The following DHRS4L2 variants were observed in gnomAD, a reference collection of about 807,000 sequenced individuals.
DHRS4L2 encodes the protein dehydrogenase/reductase SDR family member 4-like 2.
DHRS4L2 carries 22 observed loss-of-function variants against 23.9 expected under a neutral mutation model. The ratio of observed to expected loss-of-function variants is 0.92; its 90% CI spans 0.66 to 1.31. DHRS4L2 has a LOEUF of 1.31. Among genes scored for constraint, DHRS4L2 ranks in the 40% most tolerant of loss-of-function variants. The pLI, the probability that DHRS4L2 is intolerant of heterozygous loss-of-function variation, is 0.00. For synonymous variants in DHRS4L2, 141 were observed against 123.7 expected (o/e 1.14, Z -0.93); for missense variants, 385 against 303.3 (o/e 1.27, Z -2.00).
upstream of DHRS4L2, among the ~76,000 whole-genome samples, chr14:23,984,141 G>C (rs2034100210): frequency 6.6e-6 from 1 of 151,614 alleles, no homozygotes; most frequent in Admixed American, 6.6e-5. Flanking sequence ...AATCTCATTT[G>C]TGGAAACAAT....
chr14:23,989,000 G>T lies in DHRS4L2; in HGVS notation c.53G>T (p.Arg18Leu), dbSNP rs371104581. 29 of 1,610,666 alleles carry T rather than the reference G, an allele frequency of 1.8e-5. 1 individual carries two copies. The highest frequency in any genetic ancestry group is 2.1e-5 in the Non-Finnish European group (25 of 1,178,404). The change falls in exon 1 of 8, where the codon CGG becomes CTG. Residue 18 changes from arginine (R) to leucine (L), a missense_variant. Transcript: ENST00000335125. ...TGTGCCTGGGCACGGAAGTCGGTGC[G>T]GATGGCCAGCTCCAGGATGACCCGC... ...GLCAWARKSV[R>L]MASSRMTRRD...
intron 3 of DHRS4L2, among the ~76,000 whole-genome samples, chr14:23,998,867 C>T (rs1266759249): frequency 1.8e-4 from 26 of 147,004 alleles, no homozygotes; most frequent in Non-Finnish European, 3.1e-4. Context: ...ATTTGGCTAA[C>T]TGGTGCACAT....
At chr14:24,005,852 T>A in intron 7 of DHRS4L2, 34 bp from the exon 8 acceptor site, 1 of 1,609,648 alleles carries the variant, frequency 6.2e-7, no homozygotes, top group Non-Finnish European at 8.5e-7. Context: ...CCCGTTTGAT[T>A]TTTACCTCCT....
chr14:23,973,191 A>T (rs2033898220), intron 1 of DHRS4L2, among the ~76,000 whole-genome samples: 2 of 151,898 alleles, frequency 1.3e-5, no homozygotes, highest in Non-Finnish European at 2.9e-5. Flanking sequence ...TTCTCATCCC[A>T]TGAGGCCATA....
At chr14:23,999,367 A>AAAAAAAAAAAAAAACAAAAC (rs1555330042) in intron 3 of DHRS4L2, among the ~76,000 whole-genome samples, 12 of 116,788 alleles carry the variant, frequency 1.0e-4, no homozygotes, top group East Asian at 2.9e-4. Context: ...AAAAAAAAAA[A>AAAAAAAAAAAAAAACAAAAC]AAAAAAACAA....
intron 2 of DHRS4L2, chr14:23,990,893 T>C (rs1311497510): frequency 2.6e-6 from 2 of 760,236 alleles, no homozygotes; most frequent in Non-Finnish European, 3.2e-6. Flanking sequence ...CCACAGCCAG[T>C]AAGGAAAGAC....
At chr14:23,986,360 G>A (rs118079848), upstream of DHRS4L2, among the ~76,000 whole-genome samples, 165 of 151,440 alleles carry the variant, frequency 1.1e-3, 2 homozygotes, top group Non-Finnish European at 2.0e-3. Flanking sequence ...GCCTGTCGTG[G>A]GGTGCAGGCA....
At chr14:23,994,429 T>C (rs1014167601) in intron 2 of DHRS4L2, among the ~76,000 whole-genome samples, 5 of 151,712 alleles carry the variant, frequency 3.3e-5, no homozygotes, top group Admixed American at 1.3e-4. Flanking sequence ...CCTGGTGGCT[T>C]GTGCCTATAA....
rs148676391 is a variant in DHRS4L2, at chr14:23,989,483, A to AC, written c.128+412dup. On this transcript the variant is annotated intron_variant, in intron 1 of 7. Transcript: ENST00000335125. ...TTTGGGCTCCAGAAAGTGTCCCGGA[A>AC]CCCCTCCCCCTTACCTAGATGGGAC... is the stretch of plus-strand genomic sequence containing the variant. Among the ~76,000 whole-genome samples the AC allele has an allele frequency of 7.0e-3, 1,054 of 151,014 alleles. 36 individuals carry two copies. Among genetic ancestry groups the AC allele is most frequent in the African/African-American group, 0.024 (1,003 of 41,182 alleles).
chr14:23,970,927 A>G (rs56079821), intron 1 of DHRS4L2, among the ~76,000 whole-genome samples: 3,397 of 152,228 alleles, frequency 0.022, 70 homozygotes, highest in Middle Eastern at 0.054. Flanking sequence ...AATAGCATCA[A>G]CATCAGCAAA....
chr14:24,006,151 G>A lies in DHRS4L2; in HGVS notation c.*288G>A, dbSNP rs1190735933. ...GTGAAAAGATCCAGCCTTCCCTGCC[G>A]TCAAGGTGGCGTCTTACTCGGGATT... On this transcript the variant is annotated 3_prime_UTR_variant, in exon 8 of 8. Transcript: ENST00000335125. The A allele has an allele frequency of 1.7e-5, 23 of 1,333,158 alleles. No individual in the cohort carries two copies. Among genetic ancestry groups the A allele is most frequent in the Admixed American group, 6.0e-5 (2 of 33,098 alleles). 82.6% of individuals were successfully genotyped at this position (1,333,158 alleles called of 1,614,324 possible). A position where few individuals can be genotyped will look rare whatever the true frequency, so the allele number is the denominator to read the frequency against.
In DHRS4L2 at chr14:23,995,150, G is replaced by C. The variant is rs1039786940; in HGVS notation, c.408+17G>C. ...TGGGACAAGGTGAGAGGGGATTAAA[G>C]AAGCGCGGAAGGGGGCCTCGGGACA... On this transcript the variant is annotated intron_variant, in intron 3 of 7. Coordinates refer to ENST00000335125, the MANE Select transcript of DHRS4L2 (RefSeq NM_198083.4). 6.2e-7 allele frequency: 1 copy of C among 1,611,432 alleles called. No homozygotes were observed. The highest frequency in any genetic ancestry group is 8.5e-7 in the Non-Finnish European group (1 of 1,178,212).
Position 24,001,299 on chromosome 14 carries a change from A to G in DHRS4L2, c.532-85A>G, listed in dbSNP as rs1262049601. 4.4e-6 allele frequency: 7 copies of G among 1,575,926 alleles called. No individual in the cohort carries two copies. In the East Asian group the frequency reaches 1.3e-4, roughly 30 times the overall value. On this transcript the variant is annotated intron_variant, in intron 5 of 7. Transcript: ENST00000335125. ...TGCCCCTCCCTTACAGGAGATCCCT[A>G]CTGAGCACTGCCCTCTATGTCTAGT...
chr14:23,977,075 C>T (rs1217895728), intron 1 of DHRS4L2, among the ~76,000 whole-genome samples: 1 of 151,774 alleles, frequency 6.6e-6, no homozygotes, highest in Non-Finnish European at 1.5e-5. Flanking sequence ...GCACGTTGTG[C>T]ACATGTGCCC....
upstream of DHRS4L2, among the ~76,000 whole-genome samples, chr14:23,986,507 T>TAAA (rs33932387): frequency 4.5e-5 from 6 of 133,654 alleles, no homozygotes; most frequent in African/African-American, 1.6e-4. Flanking sequence ...TAAAGTATAA[T>TAAA]AAAAAAAAAA....
chr14:23,972,628 G>C (rs1477522134), intron 1 of DHRS4L2, among the ~76,000 whole-genome samples: 1 of 151,962 alleles, frequency 6.6e-6, no homozygotes, highest in African/African-American at 2.4e-5. Context: ...TGGGACAAGA[G>C]ACTGAGAAAG....
At chr14:23,976,180 A>G (rs535916459) in intron 1 of DHRS4L2, among the ~76,000 whole-genome samples, 1 of 151,982 alleles carries the variant, frequency 6.6e-6, no homozygotes, top group Non-Finnish European at 1.5e-5. Context: ...AACCTACAGA[A>G]TAGGAGAAAA....
Position 23,998,550 on chromosome 14 carries a change from C to T in DHRS4L2, c.409-2313C>T, listed in dbSNP as rs1236477603. On this transcript the variant is annotated intron_variant, in intron 3 of 7. Transcript: ENST00000335125. Reference sequence around the variant, plus strand: ...TGGCTGCAGCTTCTACATCAGCACTCGCTGCTTCATCTTGCACTTTTATGT... The same window carrying T: ...TGGCTGCAGCTTCTACATCAGCACTTGCTGCTTCATCTTGCACTTTTATGT... Among the ~76,000 whole-genome samples the T allele has an allele frequency of 3.3e-5, 5 of 150,872 alleles. No individual in the cohort carries two copies. In the South Asian group the frequency reaches 1.1e-3, roughly 32 times the overall value.
At chr14:23,988,322 T>G (rs66845024), upstream of DHRS4L2, among the ~76,000 whole-genome samples, 8,654 of 142,128 alleles carry the variant, frequency 0.061, 832 homozygotes, top group Middle Eastern at 0.08. Context: ...GATCCTGTTT[T>G]GCCAATGACC....
Sources: allele counts gnomAD v4.1 joint callset (sites outside exome capture counted in the v4.1 genomes callset), GRCh38; gene constraint gnomAD v4.1.1; transcripts MANE v1.5; gene names NCBI Gene and HGNC (gene_info 2026-07-23, HGNC 2026-07-21).